Variants in USP12 observed in about 807,000 individuals in gnomAD.
USP12 encodes the protein ubiquitin carboxyl-terminal hydrolase 12.
In USP12, 19 loss-of-function variants were observed where a neutral mutation model predicts 45.5. The observed-to-expected ratio is 0.42, with a 90% CI of 0.29 to 0.61. The LOEUF (loss-of-function observed/expected upper bound fraction) is 0.61, where lower values mean the gene tolerates loss of function less well. USP12 is among the 20% of genes least tolerant of loss of function. The pLI is 0.22. For synonymous variants in USP12, 149 were observed against 148.8 expected, an observed-to-expected ratio of 1.00 and a Z score of -0.01; for missense variants, 242 against 447.7, an observed-to-expected ratio of 0.54 and a Z score of 4.15.
intron 1 of USP12, among the ~76,000 whole-genome samples, chr13:27,126,870 T>C (rs896641486): frequency 6.6e-6 from 1 of 152,232 alleles, no homozygotes; most frequent in Non-Finnish European, 1.5e-5. Context: ...GAAAAATGTA[T>C]AGAAGATGTT....
chr13:27,162,138 A>G (rs1878137661), intron 1 of USP12, among the ~76,000 whole-genome samples: 1 of 152,200 alleles, frequency 6.6e-6, no homozygotes, highest in African/African-American at 2.4e-5. Flanking sequence ...ATGACCATGT[A>G]AGGGTGATGT....
intron 1 of USP12, among the ~76,000 whole-genome samples, chr13:27,159,460 T>C (rs1435123009): frequency 6.6e-6 from 1 of 152,226 alleles, no homozygotes; most frequent in East Asian, 1.9e-4. Context: ...ACAAGTGTTC[T>C]ATCATTAAAT....
At chr13:27,153,798 TCTTC>T (rs1399573361) in intron 1 of USP12, among the ~76,000 whole-genome samples, 6 of 152,216 alleles carry the variant, frequency 3.9e-5, no homozygotes, top group Non-Finnish European at 7.3e-5. Flanking sequence ...TTCTTTCCTG[TCTTC>T]CTTATCATCT....
intron 1 of USP12, among the ~76,000 whole-genome samples, chr13:27,153,024 A>C (rs1163996215): frequency 6.6e-6 from 1 of 151,644 alleles, no homozygotes; most frequent in Non-Finnish European, 1.5e-5. Context: ...AATTGTTTAC[A>C]TTCAACATTT....
chr13:27,068,996 T>G lies in USP12; in HGVS notation c.*287A>C. ...ATTGGTGCAATTAATAAAGAGAAAA[T>G]GCGTGCCAATGACTGGAAGGCTGTT... On this transcript the variant is annotated 3_prime_UTR_variant, in exon 9 of 9. Coordinates refer to ENST00000282344, the MANE Select transcript of USP12 (RefSeq NM_182488.4). 1 of 420,740 alleles carries G rather than the reference T, an allele frequency of 2.4e-6. No individual in the cohort carries two copies. Among genetic ancestry groups the G allele is most frequent in the Non-Finnish European group, 4.3e-6 (1 of 233,836 alleles). 26.1% of individuals were successfully genotyped at this position (420,740 alleles called of 1,614,324 possible).
At position 27,068,956 on chromosome 13, in the gene USP12, G is replaced by A. The variant is rs557387240; in HGVS notation, c.*327C>T. 2.6e-4 allele frequency: 86 copies of A among 335,750 alleles called. No homozygotes were observed. The highest frequency in any genetic ancestry group is 1.8e-3 in the African/African-American group (84 of 46,790). 20.8% of individuals were successfully genotyped at this position (335,750 alleles called of 1,614,324 possible). ...CCGATTCTTTCTACTGCACCCCCAA[G>A]GAATTCAAAGCATTATTGGTGCAAT... On this transcript the variant is annotated 3_prime_UTR_variant, in exon 9 of 9. Coordinates refer to ENST00000282344, the MANE Select transcript of USP12 (RefSeq NM_182488.4).
intron 1 of USP12, among the ~76,000 whole-genome samples, chr13:27,130,892 C>T (rs185512767): frequency 6.6e-6 from 1 of 152,292 alleles, no homozygotes; most frequent in Non-Finnish European, 1.5e-5. Flanking sequence ...TTGAAGGCAA[C>T]AACATTTAAA....
intron 1 of USP12, among the ~76,000 whole-genome samples, chr13:27,121,825 C>T (rs962751283): frequency 6.6e-6 from 1 of 151,908 alleles, no homozygotes; most frequent in Middle Eastern, 3.4e-3. Flanking sequence ...CATGCCACTG[C>T]ACTCCAGCCT....
At chr13:27,092,175 A>T (rs2137772752) in intron 4 of USP12, among the ~76,000 whole-genome samples, 1 of 152,328 alleles carries the variant, frequency 6.6e-6, no homozygotes, top group East Asian at 1.9e-4. Context: ...CATGGTATTG[A>T]TATGAGGAAG....
In USP12 at chr13:27,107,361, T is replaced by C. The variant is rs181130191; in HGVS notation, c.130-1417A>G. On this transcript the variant is annotated intron_variant, in intron 2 of 8. Coordinates refer to ENST00000282344, the MANE Select transcript of USP12 (RefSeq NM_182488.4). ...AACAAAAAAAACAAATTTATTGATA[T>C]TGTTATTTTGAAACTATTGTAGCTA... Among the ~76,000 whole-genome samples, 8 of 152,244 alleles carry C rather than the reference T, an allele frequency of 5.3e-5. No homozygotes were observed. The East Asian group carries it at 9.7e-4, about 18-fold the overall frequency.
At chr13:27,080,403 C>CAA (rs1214535586) in intron 6 of USP12, among the ~76,000 whole-genome samples, 1 of 152,170 alleles carries the variant, frequency 6.6e-6, no homozygotes, top group African/African-American at 2.4e-5. Flanking sequence ...CTTCATCTCA[C>CAA]AAACAGGAAG....
At chr13:27,084,378 C>T (rs1291353020) in intron 6 of USP12, among the ~76,000 whole-genome samples, 3 of 151,326 alleles carry the variant, frequency 2.0e-5, no homozygotes, top group Admixed American at 2.0e-4. Context: ...TGGTGGCGCA[C>T]ACCTGTAGTC....
chr13:27,082,819 G>T (rs938825787), intron 6 of USP12, among the ~76,000 whole-genome samples: 2 of 152,124 alleles, frequency 1.3e-5, no homozygotes, highest in Non-Finnish European at 2.9e-5. Flanking sequence ...CAGTCAGAAC[G>T]CACAACATTT....
Position 27,076,721 on chromosome 13 carries a change from T to C in USP12, c.735-1333A>G, listed in dbSNP as rs1012586381. ...CCTCACAATTTAAAGAAGTGATATA[T>C]GGTAAGCCACTGCCTCTAATAAGTG... On this transcript the variant is annotated intron_variant, in intron 6 of 8. Transcript: ENST00000282344. 3.3e-5 allele frequency among the ~76,000 whole-genome samples: 5 copies of C among 152,310 alleles called. No individual in the cohort carries two copies. In the East Asian group the frequency reaches 5.8e-4, roughly 18 times the overall value.
intron 1 of USP12, among the ~76,000 whole-genome samples, chr13:27,157,557 A>G (rs1877898111): frequency 6.6e-6 from 1 of 152,214 alleles, no homozygotes; most frequent in African/African-American, 2.4e-5. Context: ...AGTTTATAGA[A>G]GATTTTTCCC....
intron 7 of USP12, among the ~76,000 whole-genome samples, chr13:27,072,251 A>T (rs1194102389): frequency 6.6e-6 from 1 of 152,180 alleles, no homozygotes; most frequent in Admixed American, 6.6e-5. Context: ...AAACAAAATT[A>T]TAAAAGGTGA....
intron 3 of USP12, among the ~76,000 whole-genome samples, chr13:27,098,736 C>T (rs1874714669): frequency 6.6e-6 from 1 of 152,136 alleles, no homozygotes; most frequent in Admixed American, 6.5e-5. Flanking sequence ...ATAAATACGG[C>T]TGCTTATTTA....
At chr13:27,156,291 T>C (rs767887960) in intron 1 of USP12, among the ~76,000 whole-genome samples, 12 of 150,016 alleles carry the variant, frequency 8.0e-5, no homozygotes, top group Non-Finnish European at 1.6e-4. Context: ...ACACAAAGGA[T>C]GGAAGAACAT....
chr13:27,082,594 T>C (rs117634430), intron 6 of USP12, among the ~76,000 whole-genome samples: 7,124 of 152,338 alleles, frequency 0.047, 188 homozygotes, highest in Admixed American at 0.076. Context: ...GGCCTAGCTT[T>C]CAGCCTATCT....
Sources: allele counts gnomAD v4.1 joint callset (sites outside exome capture counted in the v4.1 genomes callset), GRCh38; gene constraint gnomAD v4.1.1; transcripts MANE v1.5; gene names NCBI Gene and HGNC (gene_info 2026-07-23, HGNC 2026-07-21).